The following ROBO2 variants were observed in gnomAD, a reference collection of about 807,000 sequenced individuals.
ROBO2 encodes the protein roundabout homolog 2.
Under a neutral mutation model 160.8 loss-of-function variants are expected in ROBO2, and 53 were observed. That is an observed-to-expected ratio of 0.33 (90% CI 0.26 to 0.41). The LOEUF (loss-of-function observed/expected upper bound fraction) is 0.41, where lower values mean the gene tolerates loss of function less well. Ranked by LOEUF, ROBO2 falls within the 10% of genes least tolerant of loss-of-function variation. ROBO2 has a pLI of 1.00. For synonymous variants in ROBO2, 664 were observed against 611.7 expected, an observed-to-expected ratio of 1.09 and a Z score of -1.26; for missense variants, 1,577 against 1,722.4, an observed-to-expected ratio of 0.92 and a Z score of 1.49.
intron 2 of ROBO2, among the ~76,000 whole-genome samples, chr3:76,519,986 C>G (rs1056960607): frequency 2.0e-5 from 3 of 152,152 alleles, no homozygotes; most frequent in Non-Finnish European, 4.4e-5. Context: ...AGGACTCATT[C>G]ACATAGGGAC....
intron 1 of ROBO2, among the ~76,000 whole-genome samples, chr3:77,081,611 G>A (rs970412141): frequency 1.3e-5 from 2 of 152,190 alleles, no homozygotes; most frequent in African/African-American, 4.8e-5. Flanking sequence ...GCCAGTGTGT[G>A]AGCACGAAGA....
chr3:76,378,995 A>G (rs1460554998), intron 2 of ROBO2, among the ~76,000 whole-genome samples: 1 of 152,160 alleles, frequency 6.6e-6, no homozygotes, highest in African/African-American at 2.4e-5. Flanking sequence ...GGAGTTATTT[A>G]TGGTTTCCAC....
At chr3:77,149,540 G>A (rs2150511728) in intron 2 of ROBO2, among the ~76,000 whole-genome samples, 1 of 152,168 alleles carries the variant, frequency 6.6e-6, no homozygotes, top group African/African-American at 2.4e-5. Context: ...TGTCAAGTGG[G>A]ATGTACATTC....
At chr3:76,722,222 G>A (rs552494145) in intron 2 of ROBO2, among the ~76,000 whole-genome samples, 13 of 152,150 alleles carry the variant, frequency 8.5e-5, no homozygotes, top group South Asian at 4.2e-4. Flanking sequence ...TGTGTTTCAC[G>A]CCGTTCTTCT....
intron 2 of ROBO2, among the ~76,000 whole-genome samples, chr3:76,217,066 T>G (rs1192747031): frequency 6.6e-6 from 1 of 151,944 alleles, no homozygotes; most frequent in Non-Finnish European, 1.5e-5. Context: ...GACTGCTGGG[T>G]ACATAACGAA....
intron 2 of ROBO2, among the ~76,000 whole-genome samples, chr3:76,378,050 A>G (rs563706070): frequency 6.6e-6 from 1 of 152,156 alleles, no homozygotes; most frequent in Non-Finnish European, 1.5e-5. Flanking sequence ...GAGAAAAGTC[A>G]CACATTCTGG....
At chr3:76,659,105 G>A (rs1385846340) in intron 2 of ROBO2, among the ~76,000 whole-genome samples, 2 of 151,938 alleles carry the variant, frequency 1.3e-5, no homozygotes, top group African/African-American at 4.8e-5. Context: ...AACATTTGAG[G>A]GAGGCATTAA....
intron 2 of ROBO2, among the ~76,000 whole-genome samples, chr3:76,084,053 A>G (rs77777033): frequency 0.026 from 3,921 of 152,188 alleles, 166 homozygotes; most frequent in African/African-American, 0.089. Context: ...TGCAGAACCA[A>G]TGATATGTAG....
At chr3:76,730,007 C>T (rs1362214458) in intron 2 of ROBO2, among the ~76,000 whole-genome samples, 4 of 152,124 alleles carry the variant, frequency 2.6e-5, no homozygotes, top group Non-Finnish European at 5.9e-5. Flanking sequence ...GTCTGATTTA[C>T]TTTCTTAGTT....
At chr3:76,850,944 G>C (rs1178383363) in intron 2 of ROBO2, among the ~76,000 whole-genome samples, 1 of 152,172 alleles carries the variant, frequency 6.6e-6, no homozygotes, top group Non-Finnish European at 1.5e-5. Flanking sequence ...TGTAAAATAA[G>C]AGTTTCATCT....
intron 20 of ROBO2, among the ~76,000 whole-genome samples, 179 bp downstream of exon 21, chr3:77,602,670 ACCACCACCACCACCACCACCGCCG>A (rs1326051794): frequency 1.1e-3 from 128 of 116,110 alleles, no homozygotes; most frequent in African/African-American, 3.9e-3. Flanking sequence ...CGCCACCACC[ACCACCACCACCACCACCACCGCCG>A]CCGCCACCAC....
At chr3:77,632,576 G>A in intron 23 of ROBO2, 1 of 1,535,806 alleles carries the variant, frequency 6.5e-7, no homozygotes, top group Non-Finnish European at 8.7e-7. Context: ...ATCTTTGCCA[G>A]CGGCAGTTTT....
At chr3:76,461,277 A>T (rs1172950622) in intron 2 of ROBO2, among the ~76,000 whole-genome samples, 1 of 152,168 alleles carries the variant, frequency 6.6e-6, no homozygotes. Flanking sequence ...TCTCACTATC[A>T]TGAAGACAGC....
At chr3:76,652,100 C>T (rs1487043049) in intron 2 of ROBO2, among the ~76,000 whole-genome samples, 2 of 152,136 alleles carry the variant, frequency 1.3e-5, no homozygotes, top group African/African-American at 2.4e-5. Context: ...TAATTTCCAA[C>T]AAATTAGCCA....
At chr3:77,289,700 C>G (rs1248978228) in intron 2 of ROBO2, among the ~76,000 whole-genome samples, 1 of 148,030 alleles carries the variant, frequency 6.8e-6, no homozygotes, top group African/African-American at 2.5e-5. Flanking sequence ...ACACTAAAGA[C>G]ATAAAGTAAA....
At chr3:76,100,491 T>C (rs771587857) in intron 2 of ROBO2, among the ~76,000 whole-genome samples, 6 of 152,194 alleles carry the variant, frequency 3.9e-5, no homozygotes, top group Admixed American at 6.5e-5. Context: ...CTTTTGTTCA[T>C]ACAAAGATAG....
At position 76,558,430 on chromosome 3, in the gene ROBO2, T is replaced by C. The variant is rs75502611; in HGVS notation, c.110-539584T>C. Among the ~76,000 whole-genome samples the C allele has an allele frequency of 9.7e-4, 147 of 152,250 alleles. 2 individuals are homozygous for C. The East Asian group carries it at 0.023, about 24-fold the overall frequency. On this transcript the variant is annotated intron_variant, in intron 2 of 26. Coordinates refer to the ROBO2 transcript ENST00000487694. ...ATGAAGTTATAAGCTATTCAAGCTATGGCAATCCCAGTTTTGAATATTTTA... is the reference window on the plus strand; with the variant it reads ...ATGAAGTTATAAGCTATTCAAGCTACGGCAATCCCAGTTTTGAATATTTTA...
At chr3:76,811,785 CCT>C (rs2065180157) in intron 2 of ROBO2, among the ~76,000 whole-genome samples, 3 of 39,926 alleles carry the variant, frequency 7.5e-5, no homozygotes, top group African/African-American at 2.6e-4. Flanking sequence ...CTCCTTCCTT[CCT>C]TCCTTCCTTC....
intron 2 of ROBO2, among the ~76,000 whole-genome samples, chr3:76,532,376 G>A (rs2082276704): frequency 6.6e-6 from 1 of 152,190 alleles, no homozygotes; most frequent in Admixed American, 6.5e-5. Context: ...TTTGGAGGTT[G>A]CCCTGGTAAT....
Sources: gnomAD v4.1 joint callset for allele counts (sites outside exome capture counted in the v4.1 genomes callset) on GRCh38, gnomAD v4.1.1 for gene constraint, MANE v1.5 for transcripts, NCBI Gene and HGNC (gene_info 2026-07-23, HGNC 2026-07-21) for gene names.